The following CDIN1 variants were observed in gnomAD, a reference collection of about 807,000 sequenced individuals.
CDIN1 encodes CDAN1-interacting nuclease 1.
CDIN1 carries 33 observed loss-of-function variants against 45.3 expected under a neutral mutation model. That is an observed-to-expected ratio of 0.73 (90% CI 0.55 to 0.97). The LOEUF (loss-of-function observed/expected upper bound fraction) is 0.97. CDIN1 is among the 50% of genes least tolerant of loss of function. The pLI is 0.00. For missense variants in CDIN1, 303 were observed against 339.4 expected, an observed-to-expected ratio of 0.89 and a Z score of 0.84; for synonymous variants, 118 against 124.4, an observed-to-expected ratio of 0.95 and a Z score of 0.34.
chr15:36,778,645 G>A (rs748375827), intron 10 of CDIN1, among the ~76,000 whole-genome samples: 1 of 152,126 alleles, frequency 6.6e-6, no homozygotes, highest in Non-Finnish European at 1.5e-5. Context: ...ATGCAATTTT[G>A]TAGTTGTTTG....
At chr15:36,729,521 CG>C (rs913310884) in intron 10 of CDIN1, among the ~76,000 whole-genome samples, 3 of 152,102 alleles carry the variant, frequency 2.0e-5, no homozygotes, top group Non-Finnish European at 2.9e-5. Context: ...ACCAAGAAGT[CG>C]TGTCCTTTTG....
chr15:36,594,817 A>AT (rs1376347479), intron 1 of CDIN1: 252 of 743,654 alleles, frequency 3.4e-4, no homozygotes, highest in Admixed American at 1.1e-3. Flanking sequence ...CGGCACTTAA[A>AT]ATTTTTTTTT....
chr15:36,623,941 C>T (rs2039311720), intron 1 of CDIN1, among the ~76,000 whole-genome samples: 1 of 152,150 alleles, frequency 6.6e-6, no homozygotes, highest in South Asian at 2.1e-4. Context: ...CTTCACTTTT[C>T]TCCCTTAGTT....
chr15:36,691,694 C>G lies in CDIN1; in HGVS notation c.356C>G (p.Ser119Cys). The stretch of plus-strand genomic sequence containing the variant: ...CTCTTTTCTTCTACAGCCTCCAAGT[C>G]TATTATAAATAGTATGCTACGGGAC... ...QEHEETPPSK[S>C]IINSMLRDPS... The change falls in exon 6 of 11, where the codon TCT (serine) becomes TGT (cysteine). Residue 119 changes from serine to cysteine, a missense_variant. Coordinates refer to ENST00000566621, the MANE Select transcript of CDIN1 (RefSeq NM_001321759.2). 4 of 1,596,486 alleles carry G rather than the reference C, an allele frequency of 2.5e-6. No homozygotes were observed. Among genetic ancestry groups the G allele is most frequent in the Non-Finnish European group, 3.4e-6 (4 of 1,169,310 alleles).
chr15:36,788,106 A>ATATATATT (rs1343541345), intron 10 of CDIN1, among the ~76,000 whole-genome samples: 2 of 50,550 alleles, frequency 4.0e-5, no homozygotes, highest in African/African-American at 1.5e-4. Flanking sequence ...ATATATATAT[A>ATATATATT]TTTTTTTTTT....
intron 5 of CDIN1, among the ~76,000 whole-genome samples, chr15:36,664,669 C>T (rs866418153): frequency 6.6e-6 from 1 of 152,148 alleles, no homozygotes; most frequent in Non-Finnish European, 1.5e-5. Context: ...GCCTCAGCCT[C>T]CCAAGTAGCT....
At chr15:36,774,653 G>A (rs1284875215) in intron 10 of CDIN1, among the ~76,000 whole-genome samples, 2 of 152,070 alleles carry the variant, frequency 1.3e-5, no homozygotes, top group Non-Finnish European at 2.9e-5. Flanking sequence ...TTTGTTGGTA[G>A]AACAGTTGCA....
At chr15:36,675,317 C>T (rs554227561) in intron 5 of CDIN1, among the ~76,000 whole-genome samples, 1 of 152,248 alleles carries the variant, frequency 6.6e-6, no homozygotes, top group South Asian at 2.1e-4. Flanking sequence ...TCATCCCTGT[C>T]TTCAACTGTT....
intron 1 of CDIN1, among the ~76,000 whole-genome samples, chr15:36,610,517 C>T (rs1048766499): frequency 3.9e-5 from 6 of 152,320 alleles, no homozygotes; most frequent in African/African-American, 1.4e-4. Context: ...TCTTTCACAT[C>T]CACTTCTTTT....
In CDIN1 at chr15:36,709,851, C is replaced by T; in HGVS notation, c.611-5C>T. The T allele has an allele frequency of 6.8e-6, 11 of 1,610,904 alleles. No homozygotes were observed. The highest frequency in any genetic ancestry group is 9.3e-6 in the Non-Finnish European group (11 of 1,177,270). On this transcript the variant is annotated splice_region_variant and splice_polypyrimidine_tract_variant and intron_variant, in intron 9 of 10. Transcript: ENST00000566621. The stretch of plus-strand genomic sequence containing the variant: ...TCCGTATATTAGTAATGCTTTGTCC[C>T]TTAGCTGTAGAAGGGCACATAATTC...
At chr15:36,752,103 T>C (rs1595556933) in intron 10 of CDIN1, among the ~76,000 whole-genome samples, 1 of 152,172 alleles carries the variant, frequency 6.6e-6, no homozygotes, top group South Asian at 2.1e-4. Flanking sequence ...GGCACACGTT[T>C]ACCTATGTAA....
Position 36,758,414 on chromosome 15 carries a change from C to A in CDIN1, c.716+48453C>A, listed in dbSNP as rs181964261. ...TAAAAAAGCAAGTTTCTAAACTGGA[C>A]GAGCCACTTTGCCTCTCTGTGCCTC... On this transcript the variant is annotated intron_variant, in intron 10 of 10. Transcript: ENST00000566621. Among the ~76,000 whole-genome samples the A allele has an allele frequency of 5.9e-5, 9 of 151,652 alleles. No individual in the cohort carries two copies. In the South Asian group the frequency reaches 1.9e-3, roughly 32 times the overall value.
intron 10 of CDIN1, among the ~76,000 whole-genome samples, chr15:36,735,475 T>C (rs1488769599): frequency 1.3e-5 from 2 of 152,134 alleles, no homozygotes; most frequent in African/African-American, 4.8e-5. Context: ...TAATATATAC[T>C]TACACTTTTT....
At chr15:36,716,455 C>T (rs1245916750) in intron 10 of CDIN1, among the ~76,000 whole-genome samples, 1 of 152,106 alleles carries the variant, frequency 6.6e-6, no homozygotes, top group Admixed American at 6.6e-5. Flanking sequence ...CCCAAGAATA[C>T]AGAGTCTATT....
chr15:36,752,378 CACTG>C (rs1306230594), intron 10 of CDIN1, among the ~76,000 whole-genome samples: 1 of 152,190 alleles, frequency 6.6e-6, no homozygotes, highest in Non-Finnish European at 1.5e-5. Flanking sequence ...CATCTGTCTG[CACTG>C]ACTTTCTCCT....
intron 1 of CDIN1, among the ~76,000 whole-genome samples, chr15:36,581,020 A>C (rs1193058825): frequency 2.0e-5 from 3 of 152,228 alleles, no homozygotes; most frequent in African/African-American, 7.2e-5. Flanking sequence ...CTAGTCTGTA[A>C]AATGAAGGAG....
chr15:36,606,891 T>A (rs1157496994), intron 1 of CDIN1, among the ~76,000 whole-genome samples: 1 of 152,158 alleles, frequency 6.6e-6, no homozygotes, highest in East Asian at 1.9e-4. Flanking sequence ...GTTAATTTAC[T>A]CTAGTAAGGT....
intron 10 of CDIN1, among the ~76,000 whole-genome samples, chr15:36,720,794 G>C (rs2043387032): frequency 6.6e-6 from 1 of 152,164 alleles, no homozygotes; most frequent in Admixed American, 6.5e-5. Context: ...TATATACCCA[G>C]TAATGGGATG....
chr15:36,626,956 A>C, intron 1 of CDIN1: 1 of 187,596 alleles, frequency 5.3e-6, no homozygotes, highest in South Asian at 1.1e-4. Context: ...TGATGACCTC[A>C]TCCATGGACC....
Sources: gnomAD v4.1 joint callset for allele counts (sites outside exome capture counted in the v4.1 genomes callset) on GRCh38, gnomAD v4.1.1 for gene constraint, MANE v1.5 for transcripts, NCBI Gene and HGNC (gene_info 2026-07-23, HGNC 2026-07-21) for gene names.